NDFIP2: variants seen among roughly 807,000 people sequenced by gnomAD.
NDFIP2 encodes Nedd4 family interacting protein 2.
Under a neutral mutation model 36.0 loss-of-function variants are expected in NDFIP2, and 19 were observed. The observed-to-expected ratio is 0.53, with a 90% CI of 0.37 to 0.77. The LOEUF (loss-of-function observed/expected upper bound fraction) is 0.77. NDFIP2 is among the 30% of genes least tolerant of loss of function. NDFIP2 has a pLI of 0.00. For synonymous variants in NDFIP2, 181 were observed against 167.7 expected (o/e 1.08, Z -0.61); for missense variants, 446 against 435.8 (o/e 1.02, Z -0.21).
intron 1 of NDFIP2, among the ~76,000 whole-genome samples, chr13:79,497,951 T>C (rs1873511035): frequency 6.6e-6 from 1 of 151,714 alleles, no homozygotes; most frequent in Non-Finnish European, 1.5e-5. Context: ...GGCAGTAGTT[T>C]AGGTAAAGGA....
chr13:79,542,512 G>GTTTTTTTTTTTT (rs1291989853), intron 4 of NDFIP2, among the ~76,000 whole-genome samples: 1 of 143,120 alleles, frequency 7.0e-6, no homozygotes, highest in African/African-American at 2.6e-5. Context: ...TCTGTTTTTT[G>GTTTTTTTTTTTT]TTTTTTTTTT....
chr13:79,497,642 C>G (rs1014891779), intron 1 of NDFIP2, among the ~76,000 whole-genome samples: 11 of 149,642 alleles, frequency 7.4e-5, no homozygotes, highest in Non-Finnish European at 3.0e-5. Context: ...GAAACTAGAG[C>G]CAACTGTAGA....
At chr13:79,521,088 T>TATCCATGTG in intron 2 of NDFIP2, 113 bp downstream of exon 2, 2 of 835,338 alleles carry the variant, frequency 2.4e-6, no homozygotes, top group Non-Finnish European at 3.7e-6. Flanking sequence ...ACATGGATAT[T>TATCCATGTG]TATATATGTA....
chr13:79,488,507 A>G (rs973191158), intron 1 of NDFIP2, among the ~76,000 whole-genome samples: 1 of 152,196 alleles, frequency 6.6e-6, no homozygotes, highest in Admixed American at 6.5e-5. Flanking sequence ...GTGTAGTGGC[A>G]AATAAATGTA....
At chr13:79,526,126 G>A (rs1874786850) in intron 2 of NDFIP2, among the ~76,000 whole-genome samples, 1 of 152,160 alleles carries the variant, frequency 6.6e-6, no homozygotes, top group African/African-American at 2.4e-5. Context: ...AAGAGTATGT[G>A]GATTCAAGCA....
chr13:79,508,247 A>C (rs969469969), intron 1 of NDFIP2, among the ~76,000 whole-genome samples: 1 of 152,178 alleles, frequency 6.6e-6, no homozygotes, highest in Non-Finnish European at 1.5e-5. Flanking sequence ...AGAATTTCCT[A>C]GTATTAACAT....
rs532345659 is a variant in NDFIP2 at position 79,520,843 on chromosome 13, G to T, written c.355G>T (p.Ala119Ser). The T allele has an allele frequency of 3.1e-6, 5 of 1,613,560 alleles. No individual in the cohort carries two copies. Among genetic ancestry groups the T allele is most frequent in the Non-Finnish European group, 1.7e-6 (2 of 1,179,722 alleles). ...LNEEDNSESSAIEQPPTSNPA... is the reference protein window; with the variant it reads ...LNEEDNSESSSIEQPPTSNPA... ...TGAAGAGGATAACTCAGAATCATCG[G>T]CTATAGAGCAGCCACCTACTTCAAA... The change falls in exon 2 of 8, where the codon GCT (alanine) becomes TCT (serine). Residue 119 changes from alanine (A) to serine (S), a missense_variant. This residue lies in a region of NDFIP2 where 369 missense variants were observed against 304.8 expected (regional missense o/e 1.21). Transcript: ENST00000218652.
At chr13:79,487,976 G>C (rs1254741417) in intron 1 of NDFIP2, among the ~76,000 whole-genome samples, 3 of 152,130 alleles carry the variant, frequency 2.0e-5, no homozygotes, top group Non-Finnish European at 2.9e-5. Flanking sequence ...TCTGACCTCT[G>C]TCATCAGCAT....
In NDFIP2 at chr13:79,481,344, A is replaced by T; in HGVS notation, c.141A>T (p.Glu47Asp). 1 of 1,549,138 alleles carries T rather than the reference A, an allele frequency of 6.5e-7. No individual in the cohort carries two copies. The highest frequency in any genetic ancestry group is 8.7e-7 in the Non-Finnish European group (1 of 1,147,580). ...CCGCTGCGGGAGCCACAGGAAGTGA[A>T]GAGCTTCCGCCGGGAGACCGCGGCT... ...SAAAAGATGS[E>D]ELPPGDRGCR... The change falls in exon 1 of 8, where the codon GAA becomes GAT. Residue 47 changes from glutamate (E) to aspartate (D), a missense_variant. Physicochemically the swap from Glu to Asp is conservative, Grantham distance 45 (BLOSUM62 2). Around this residue, in one of 2 missense-constraint regions of NDFIP2, gnomAD observed 369 missense variants for 304.8 expected, o/e 1.21. Coordinates refer to ENST00000218652, the MANE Select transcript of NDFIP2 (RefSeq NM_019080.3).
Position 79,539,549 on chromosome 13 carries a change from A to G in NDFIP2, c.622-133A>G, listed in dbSNP as rs1159750071. 4.6e-6 allele frequency: 3 copies of G among 656,802 alleles called. No individual in the cohort carries two copies. The African/African-American group carries it at 5.5e-5, about 12-fold the overall frequency. The allele number at this position is 656,802 out of a possible 1,614,324, so 40.7% of individuals were successfully genotyped here. The stretch of plus-strand genomic sequence containing the variant: ...ATGCTTATTGATTACTCTGTGCCAG[A>G]CATTGTACTCATTATTGCATTTGTC... On this transcript the variant is annotated intron_variant, in intron 3 of 7. Transcript: ENST00000218652.
intron 2 of NDFIP2, among the ~76,000 whole-genome samples, chr13:79,524,788 G>A (rs918867524): frequency 6.6e-6 from 1 of 152,084 alleles, no homozygotes; most frequent in Admixed American, 6.5e-5. Context: ...TTTCTTTGAG[G>A]GCACATGGAT....
chr13:79,526,268 G>GC (rs1169051210), intron 2 of NDFIP2, among the ~76,000 whole-genome samples: 5 of 152,140 alleles, frequency 3.3e-5, no homozygotes, highest in Non-Finnish European at 7.4e-5. Flanking sequence ...TTATTTTTTG[G>GC]CCATGTTGAA....
At chr13:79,527,905 A>G (rs1320432769) in intron 2 of NDFIP2, among the ~76,000 whole-genome samples, 1 of 152,114 alleles carries the variant, frequency 6.6e-6, no homozygotes, top group Non-Finnish European at 1.5e-5. Flanking sequence ...GTGGAAGACA[A>G]TGATATTGAC....
rs1876013113 is a variant in NDFIP2 at position 79,554,089 on chromosome 13, T to C, written c.*1576T>C. 2 of 151,640 alleles carry C rather than the reference T, an allele frequency of 1.3e-5. No homozygotes were observed. Among genetic ancestry groups the C allele is most frequent in the Non-Finnish European group, 3.0e-5 (2 of 67,640 alleles). The allele number at this position is 151,640 out of a possible 1,614,324, so 9.4% of individuals were successfully genotyped here. ...AAATAAAACAGTTTTGTTTTGCTAA[T>C]ATAGCCTATTTTTTGTTTTGTCTCA... On this transcript the variant is annotated 3_prime_UTR_variant, in exon 8 of 8. Transcript: ENST00000218652.
At chr13:79,503,421 A>G (rs1404364254) in intron 1 of NDFIP2, among the ~76,000 whole-genome samples, 1 of 152,172 alleles carries the variant, frequency 6.6e-6, no homozygotes, top group Non-Finnish European at 1.5e-5. Flanking sequence ...AGGTCATACA[A>G]GTTTTGCATT....
chr13:79,494,047 T>A (rs1386032344), intron 1 of NDFIP2, among the ~76,000 whole-genome samples: 1 of 152,154 alleles, frequency 6.6e-6, no homozygotes, highest in Non-Finnish European at 1.5e-5. Context: ...CTGCTTTATT[T>A]TACTGTGTAT....
chr13:79,529,548 T>TA (rs1053444759), intron 2 of NDFIP2, among the ~76,000 whole-genome samples: 11 of 152,324 alleles, frequency 7.2e-5, no homozygotes, highest in Admixed American at 5.2e-4. Context: ...CTTGACCACT[T>TA]ACGTTTTTAC....
chr13:79,545,548 TA>T (rs35899178), intron 5 of NDFIP2, among the ~76,000 whole-genome samples: 4 of 152,174 alleles, frequency 2.6e-5, no homozygotes, highest in African/African-American at 9.6e-5. Flanking sequence ...GAAAAGGACT[TA>T]AAAAAATCTT....
chr13:79,550,029 A>G (rs1875842983), intron 6 of NDFIP2, among the ~76,000 whole-genome samples: 2 of 151,870 alleles, frequency 1.3e-5, no homozygotes. Flanking sequence ...TTGAGACTTC[A>G]TATTTTAAAT....
Sources: allele counts gnomAD v4.1 joint callset (sites outside exome capture counted in the v4.1 genomes callset), GRCh38; gene constraint gnomAD v4.1.1; regional missense constraint gnomAD v4.1.1; transcripts MANE v1.5; gene names NCBI Gene and HGNC (gene_info 2026-07-23, HGNC 2026-07-21).